Variants in FAM234A observed in about 807,000 individuals in gnomAD.
FAM234A encodes protein FAM234A.
FAM234A carries 42 observed loss-of-function variants against 49.1 expected under a neutral mutation model. The observed-to-expected ratio is 0.86, with a 90% CI of 0.67 to 1.11. The LOEUF (loss-of-function observed/expected upper bound fraction) is 1.11. FAM234A is among the 50% of genes least tolerant of loss of function. The pLI is 0.00. For missense variants in FAM234A, 815 were observed against 745.2 expected, an observed-to-expected ratio of 1.09 and a Z score of -1.09; for synonymous variants, 369 against 316.2, an observed-to-expected ratio of 1.17 and a Z score of -1.77.
chr16:251,831 A>G (rs992700710), intron 2 of FAM234A, among the ~76,000 whole-genome samples: 2 of 149,936 alleles, frequency 1.3e-5, no homozygotes, highest in Non-Finnish European at 3.0e-5. Flanking sequence ...GTGAAACCCC[A>G]TCTCTACTAA....
At chr16:253,873 T>A (rs2051118416) in intron 2 of FAM234A, 1 of 161,630 alleles carries the variant, frequency 6.2e-6, no homozygotes, top group African/African-American at 2.4e-5. Context: ...GCACATGTCC[T>A]GGTCACACAG....
At chr16:248,138 A>C (rs2858007) in intron 1 of FAM234A, 145,364 of 152,138 alleles carry the variant, frequency 0.96, 69,535 homozygotes, top group East Asian at 1. Flanking sequence ...AGGACACTGG[A>C]CCAATTGTAG....
intron 1 of FAM234A, among the ~76,000 whole-genome samples, chr16:236,682 G>A (rs1248974620): frequency 3.3e-5 from 5 of 150,862 alleles, no homozygotes; most frequent in Admixed American, 6.6e-5. Flanking sequence ...CGAGGCGGGC[G>A]GATCACGAGG....
In FAM234A at chr16:265,072, C is replaced by T. The variant is rs780891064; in HGVS notation, c.*50C>T. ...AGAGACTCCGCCTGCTGACACTAAA[C>T]GTCCTGGGAAGTGGGCCCTTCCCTG... is the stretch of plus-strand genomic sequence containing the variant. On this transcript the variant is annotated 3_prime_UTR_variant, in exon 13 of 13. Coordinates refer to ENST00000399932, the MANE Select transcript of FAM234A (RefSeq NM_032039.4). 1.8e-5 allele frequency: 28 copies of T among 1,542,498 alleles called. No individual in the cohort carries two copies. The highest frequency in any genetic ancestry group is 1.2e-4 in the African/African-American group (9 of 73,668).
At chr16:250,049 C>T (rs1015955461) in intron 2 of FAM234A, among the ~76,000 whole-genome samples, 4 of 152,182 alleles carry the variant, frequency 2.6e-5, no homozygotes, top group Non-Finnish European at 4.4e-5. Context: ...GGGTTCACGC[C>T]GTTCTCCTGC....
At chr16:250,549 C>T (rs2050964574) in intron 2 of FAM234A, among the ~76,000 whole-genome samples, 1 of 152,184 alleles carries the variant, frequency 6.6e-6, no homozygotes. Context: ...GATGTTAAAA[C>T]TTAAGCCTCA....
intron 2 of FAM234A, chr16:253,964 A>T (rs532601392): frequency 5.5e-6 from 1 of 180,406 alleles, no homozygotes; most frequent in South Asian, 1.2e-4. Context: ...CCCTCCAGGG[A>T]GTCCATGTGT....
downstream of FAM234A, chr16:269,475 C>T (rs367930013): frequency 1.6e-5 from 25 of 1,609,396 alleles, no homozygotes; most frequent in African/African-American, 3.1e-4. Flanking sequence ...GCCACAGCCG[C>T]CGGCCACAGG....
At chr16:269,401 G>T (rs1214581084), downstream of FAM234A, 1 of 1,593,760 alleles carries the variant, frequency 6.3e-7, no homozygotes, top group Admixed American at 1.7e-5. Context: ...CGAGAAGGCG[G>T]CTGAGAACAG....
Position 264,837 on chromosome 16 carries a change from G to A in FAM234A, c.1474G>A (p.Ala492Thr), listed in dbSNP as rs536516737. Reference protein sequence around the residue: ...DAVLFEPSRHAAYILLTGPAD... With the variant: ...DAVLFEPSRHTAYILLTGPAD... ...CGTCCTGTTTGAGCCAAGCCGCCAC[G>A]CCGCCTACATCCTTCTGACAGGCCC... Residue 492 changes from alanine (A) to threonine (T), a missense_variant, in exon 13 of 13, where the codon GCC (alanine) becomes ACC (threonine). Ala to Thr is a moderately conservative substitution (Grantham distance 58). Coordinates refer to ENST00000399932, the MANE Select transcript of FAM234A (RefSeq NM_032039.4). 10 of 1,610,980 alleles carry A rather than the reference G, an allele frequency of 6.2e-6. No individual in the cohort carries two copies. Among genetic ancestry groups the A allele is most frequent in the South Asian group, 2.2e-5 (2 of 91,038 alleles).
At position 247,808 on chromosome 16, in the gene FAM234A, C is replaced by G. The variant is rs764257704; in HGVS notation, c.-139-1741C>G. Among the ~76,000 whole-genome samples, 5 of 152,172 alleles carry G rather than the reference C, an allele frequency of 3.3e-5. No homozygotes were observed. The South Asian group carries it at 8.3e-4, about 25-fold the overall frequency. On this transcript the variant is annotated intron_variant, in intron 1 of 12. Transcript: ENST00000399932. The stretch of plus-strand genomic sequence containing the variant: ...CAGTCTGTGTTTTTCATAAATGCCT[C>G]AACGGCTGGCTCGGTTTTAGAAACC...
intron 1 of FAM234A, among the ~76,000 whole-genome samples, chr16:246,557 C>T (rs2050815617): frequency 7.0e-6 from 1 of 143,832 alleles, no homozygotes; most frequent in African/African-American, 2.6e-5. Flanking sequence ...GTAGCTGGGA[C>T]TAAAGGTGCC....
At chr16:251,356 C>A (rs997950928) in intron 2 of FAM234A, among the ~76,000 whole-genome samples, 2 of 151,960 alleles carry the variant, frequency 1.3e-5, no homozygotes, top group African/African-American at 4.8e-5. Context: ...TTTGTTTGAG[C>A]CTCTGCAGTA....
chr16:269,281 ATC>A, downstream of FAM234A: 2 of 1,571,898 alleles, frequency 1.3e-6, no homozygotes, highest in Non-Finnish European at 1.7e-6. Context: ...AGGCCACCCC[ATC>A]TCCACCCCCA....
chr16:237,257 T>G (rs2050436910), intron 1 of FAM234A, among the ~76,000 whole-genome samples: 1 of 152,038 alleles, frequency 6.6e-6, no homozygotes, highest in Non-Finnish European at 1.5e-5. Flanking sequence ...TTCTAATGGT[T>G]GTCTGCTGCT....
chr16:264,735 A>G lies in FAM234A; in HGVS notation c.1447+19A>G, dbSNP rs1490164537. 6.2e-7 allele frequency: 1 copy of G among 1,609,404 alleles called. No homozygotes were observed. ...TTTGACGGTGAGTGTGGCCTCGGCC[A>G]GGGACCCGGGTGTTCCGCGGGGTCT... is the stretch of plus-strand genomic sequence containing the variant. On this transcript the variant is annotated intron_variant, in intron 12 of 12. Transcript: ENST00000399932.
downstream of FAM234A, chr16:268,323 G>A (rs754133829): frequency 4.0e-6 from 1 of 252,554 alleles, no homozygotes; most frequent in Non-Finnish European, 7.8e-6. Context: ...CAGAGCCAGG[G>A]CCCAAGGGTC....
intron 1 of FAM234A, among the ~76,000 whole-genome samples, chr16:244,397 T>C (rs1294790571): frequency 6.6e-6 from 1 of 152,200 alleles, no homozygotes; most frequent in East Asian, 1.9e-4. Context: ...ACTATTGATA[T>C]TCTTCCAAAA....
intron 3 of FAM234A, among the ~76,000 whole-genome samples, chr16:258,836 T>C (rs1596825880): frequency 6.6e-6 from 1 of 152,168 alleles, no homozygotes. Context: ...CAGGCTGGAG[T>C]GCAGTGGTGC....
Sources: allele counts gnomAD v4.1 joint callset (sites outside exome capture counted in the v4.1 genomes callset), GRCh38; gene constraint gnomAD v4.1.1; transcripts MANE v1.5; gene names NCBI Gene and HGNC (gene_info 2026-07-23, HGNC 2026-07-21).